The following PKNOX1 variants were observed in gnomAD, a reference collection of about 807,000 sequenced individuals.
PKNOX1 encodes the protein homeobox protein PKNOX1.
In PKNOX1, 15 loss-of-function variants were observed where a neutral mutation model predicts 51.9. The ratio of observed to expected loss-of-function variants is 0.29; its 90% confidence interval spans 0.19 to 0.45. PKNOX1 has a LOEUF of 0.45. Among genes scored for constraint, PKNOX1 ranks in the 20% least tolerant of loss-of-function variants. The pLI is 1.00. For synonymous variants in PKNOX1, 219 were observed against 211.1 expected (o/e 1.04, Z -0.32); for missense variants, 462 against 547.5 (o/e 0.84, Z 1.56).
At chr21:42,998,648 CAA>C (rs1439955994) in intron 1 of PKNOX1, among the ~76,000 whole-genome samples, 1 of 152,144 alleles carries the variant, frequency 6.6e-6, no homozygotes, top group Non-Finnish European at 1.5e-5. Context: ...TTGGCCAAAA[CAA>C]AGAGGCTACA....
chr21:43,016,959 C>G lies in PKNOX1; in HGVS notation c.574C>G (p.Pro192Ala), dbSNP rs755432107. 2.0e-5 allele frequency: 33 copies of G among 1,612,732 alleles called. No homozygotes were observed. Among genetic ancestry groups the G allele is most frequent in the Non-Finnish European group, 2.7e-5 (32 of 1,179,626 alleles). ...GTISPQGIVV[P>A]ASALQQGNVA... Reference sequence around the variant, plus strand: ...CATCAGCCCTCAGGGAATTGTGGTGCCGGCGTCCGCGCTGCAGCAGGGAAA... The same window carrying G: ...CATCAGCCCTCAGGGAATTGTGGTGGCGGCGTCCGCGCTGCAGCAGGGAAA... Residue 192 changes from proline (P) to alanine (A), a missense_variant, in exon 6 of 11, where the codon CCG (proline) becomes GCG (alanine). Transcript: ENST00000291547.
Position 43,032,123 on chromosome 21 carries a change from G to T in PKNOX1, c.*2022G>T. The T allele has an allele frequency of 2.2e-6, 1 of 455,098 alleles. No individual in the cohort carries two copies. Among genetic ancestry groups the T allele is most frequent in the East Asian group, 7.0e-5 (1 of 14,384 alleles). The allele number at this position is 455,098 out of a possible 1,614,324, so 28.2% of individuals were successfully genotyped here. A position where few individuals can be genotyped will look rare whatever the true frequency, so the allele number is the denominator to read the frequency against. ...GATCTGCCTGCCTCAGCCTCCCAAA[G>T]TGCTGGGATTACAGGTGTGAGCCAC... is the stretch of plus-strand genomic sequence containing the variant. On this transcript the variant is annotated 3_prime_UTR_variant, in exon 11 of 11. Coordinates refer to ENST00000291547, the MANE Select transcript of PKNOX1 (RefSeq NM_004571.5).
chr21:42,986,424 C>T (rs2059052927), intron 1 of PKNOX1, among the ~76,000 whole-genome samples: 1 of 152,132 alleles, frequency 6.6e-6, no homozygotes, highest in Admixed American at 6.5e-5. Flanking sequence ...TCCCTTGAAC[C>T]TGGGTGGTGA....
intron 1 of PKNOX1, among the ~76,000 whole-genome samples, chr21:42,994,537 T>C (rs1489551156): frequency 1.3e-5 from 2 of 151,098 alleles, no homozygotes; most frequent in African/African-American, 4.9e-5. Context: ...AATTCTGACT[T>C]TTCCCTCATA....
At chr21:43,029,290 C>T (rs529654092) in intron 10 of PKNOX1, among the ~76,000 whole-genome samples, 63 of 152,206 alleles carry the variant, frequency 4.1e-4, no homozygotes, top group African/African-American at 1.4e-3. Flanking sequence ...TTCCCTGTGG[C>T]CTCTGCTCTC....
chr21:42,982,181 A>G (rs909089604), intron 1 of PKNOX1, among the ~76,000 whole-genome samples: 1 of 152,098 alleles, frequency 6.6e-6, no homozygotes, highest in Non-Finnish European at 1.5e-5. Flanking sequence ...TTGCAGGGCT[A>G]CCTGGCCCAG....
At chr21:42,974,859 A>G in intron 1 of PKNOX1, among the ~76,000 whole-genome samples, 195 bp downstream of exon 1, 1 of 139,968 alleles carries the variant, frequency 7.1e-6, no homozygotes, top group African/African-American at 2.6e-5. Context: ...CGGGTGGGGG[A>G]GGGGAGCGGG....
At position 42,978,104 on chromosome 21, in the gene PKNOX1, C is replaced by A. The variant is rs2059006849; in HGVS notation, c.-57+3440C>A. ...CACTGCAACCTCTGCCTCCTGGGTG[C>A]AAGCAATTCTCTTGCCTCAACCTCC... is the stretch of plus-strand genomic sequence containing the variant. On this transcript the variant is annotated intron_variant, in intron 1 of 10. Transcript: ENST00000291547. Among the ~76,000 whole-genome samples, 2 of 152,072 alleles carry A rather than the reference C, an allele frequency of 1.3e-5. 1 individual carries two copies. Among genetic ancestry groups the A allele is most frequent in the South Asian group, 4.1e-4 (2 of 4,830 alleles).
intron 9 of PKNOX1, among the ~76,000 whole-genome samples, chr21:43,028,242 C>T (rs541777692): frequency 1.3e-5 from 2 of 152,312 alleles, no homozygotes; most frequent in African/African-American, 2.4e-5. Flanking sequence ...ACGTTGCCAC[C>T]CAGAGGCTCG....
intron 1 of PKNOX1, among the ~76,000 whole-genome samples, chr21:42,999,085 A>T (rs1978633304): frequency 6.6e-6 from 1 of 152,070 alleles, no homozygotes; most frequent in South Asian, 2.1e-4. Context: ...ACTTCTGTAT[A>T]TTTTCTGAAA....
chr21:42,987,495 T>A (rs931425682), intron 1 of PKNOX1, among the ~76,000 whole-genome samples: 5 of 148,876 alleles, frequency 3.4e-5, no homozygotes, highest in Non-Finnish European at 7.4e-5. Flanking sequence ...TAAGATTTTT[T>A]AAAAAGTATC....
chr21:43,011,395 A>ATT lies in PKNOX1; in HGVS notation c.351+1173_351+1174dup, dbSNP rs1979244485. On this transcript the variant is annotated intron_variant, in intron 4 of 10. Transcript: ENST00000291547. ...CAGCTCTGTCTTGAGGCTGACAGTG[A>ATT]TTTGTGATGCCCTCCCCCCAGGGCC... Among the ~76,000 whole-genome samples the ATT allele has an allele frequency of 5.9e-5, 9 of 152,206 alleles. No individual in the cohort carries two copies. The South Asian group carries it at 1.9e-3, about 32-fold the overall frequency.
At chr21:43,028,976 G>A (rs761078964) in intron 10 of PKNOX1, 102 bp downstream of exon 10, 1 of 1,169,258 alleles carries the variant, frequency 8.6e-7, no homozygotes, top group South Asian at 1.2e-5. Flanking sequence ...CAGGTAATGT[G>A]GTGAACGAGA....
chr21:42,983,132 T>C (rs760371396), intron 1 of PKNOX1, among the ~76,000 whole-genome samples: 2 of 152,134 alleles, frequency 1.3e-5, no homozygotes, highest in African/African-American at 2.4e-5. Context: ...TTTTTTGTTA[T>C]GGTAAAATAC....
At chr21:43,015,205 G>A (rs1386302447) in intron 5 of PKNOX1, among the ~76,000 whole-genome samples, 1 of 152,246 alleles carries the variant, frequency 6.6e-6, no homozygotes, top group African/African-American at 2.4e-5. Context: ...GCTCACTGTC[G>A]ATGATGTTGG....
Position 42,997,651 on chromosome 21 carries a change from C to T in PKNOX1, c.-56-6675C>T, listed in dbSNP as rs543438810. 7.9e-5 allele frequency among the ~76,000 whole-genome samples: 12 copies of T among 152,286 alleles called. No homozygotes were observed. In the South Asian group the frequency reaches 1.0e-3, roughly 13 times the overall value. On this transcript the variant is annotated intron_variant, in intron 1 of 10. Coordinates refer to ENST00000291547, the MANE Select transcript of PKNOX1 (RefSeq NM_004571.5). ...GTCCAAATGAACAACTGAAGTACTG[C>T]GGAGCTGAGCAGAGGGTGCTGTGTG...
At chr21:43,013,908 A>G (rs1213247481) in intron 5 of PKNOX1, among the ~76,000 whole-genome samples, 3 of 151,690 alleles carry the variant, frequency 2.0e-5, no homozygotes, top group African/African-American at 7.3e-5. Flanking sequence ...AGTGATATTA[A>G]TATTTCTTTG....
intron 1 of PKNOX1, among the ~76,000 whole-genome samples, chr21:43,000,609 C>G (rs527863490): frequency 2.1e-4 from 32 of 152,286 alleles, no homozygotes; most frequent in African/African-American, 7.7e-4. Flanking sequence ...GGTGGGGACA[C>G]AGCTAAACCA....
Position 42,989,956 on chromosome 21 carries a change from G to A in PKNOX1, c.-56-14370G>A, listed in dbSNP as rs1038229144. Among the ~76,000 whole-genome samples, 8 of 152,142 alleles carry A rather than the reference G, an allele frequency of 5.3e-5. No individual in the cohort carries two copies. In the East Asian group the frequency reaches 5.8e-4, roughly 11 times the overall value. On this transcript the variant is annotated intron_variant, in intron 1 of 10. Transcript: ENST00000291547. ...TCTACAAAAAATACAAAAGTAAACC[G>A]GGTGTGGTGGTGCATGCCTGTGGTT...
Sources: allele counts gnomAD v4.1 joint callset (sites outside exome capture counted in the v4.1 genomes callset), GRCh38; gene constraint gnomAD v4.1.1; transcripts MANE v1.5; gene names NCBI Gene and HGNC (gene_info 2026-07-23, HGNC 2026-07-21).